MLLT6: variants seen among roughly 807,000 people sequenced by gnomAD.
The protein encoded by MLLT6 is MLLT6, PHD finger containing.
Under a neutral mutation model 103.0 loss-of-function variants are expected in MLLT6, and 22 were observed. The observed-to-expected ratio is 0.21, with a 90% CI of 0.15 to 0.31. The LOEUF is 0.31. Among genes scored for constraint, MLLT6 ranks in the 10% least tolerant of loss-of-function variants. MLLT6 has a pLI of 1.00. For synonymous variants in MLLT6, 606 were observed against 623.5 expected (o/e 0.97, Z 0.42); for missense variants, 1,199 against 1,441.7 (o/e 0.83, Z 2.73).
At position 38,722,007 on chromosome 17, in the gene MLLT6, C is replaced by T; in HGVS notation, c.2572C>T (p.Leu858Phe). The stretch of plus-strand genomic sequence containing the variant: ...GGCCCTGCCTGGGGCCCCTGCCCCA[C>T]TCCCGCCCCAGCCGCAGAACGGGTT... The part of the protein sequence containing the change: ...PLALPGAPAP[L>F]PPQPQNGLGR... The change falls in exon 17 of 20, where the codon CTC becomes TTC. Residue 858 changes from leucine (L) to phenylalanine (F), a missense_variant. Transcript: ENST00000621332. 6.7e-7 allele frequency: 1 copy of T among 1,484,190 alleles called. No homozygotes were observed. The highest frequency in any genetic ancestry group is 8.9e-7 in the Non-Finnish European group (1 of 1,118,878). 91.9% of individuals were successfully genotyped at this position (1,484,190 alleles called of 1,614,324 possible).
rs1905309960 is a variant in MLLT6 at position 38,715,749 on chromosome 17, A to G, written c.957A>G (p.Lys319=). ...AAGGGAAGAAACTGAGCAGTGGGAA[A>G]GGTGTGAGCAGTTTTACCTCCGCCT... The part of the protein sequence containing the change: ...SHKGKKLSSG[K]GVSSFTSASS... The change falls in exon 9 of 20, where the codon AAA becomes AAG. Residue 319 remains lysine (K), a synonymous_variant. Transcript: ENST00000621332. The G allele has an allele frequency of 1.5e-5, 24 of 1,613,978 alleles. No individual in the cohort carries two copies. Among genetic ancestry groups the G allele is most frequent in the Non-Finnish European group, 1.9e-5 (23 of 1,179,988 alleles).
intron 17 of MLLT6, 116 bp downstream of exon 17, chr17:38,722,343 A>C (rs1598001924): frequency 7.1e-5 from 55 of 775,684 alleles, no homozygotes; most frequent in Non-Finnish European, 9.7e-5. Flanking sequence ...CTCTGGTCTC[A>C]CAGGGTATAT....
rs534168238 is a variant in MLLT6, at chr17:38,722,168, C to T, written c.2733C>T (p.Pro911=). 92 of 1,369,838 alleles carry T rather than the reference C, an allele frequency of 6.7e-5. No individual in the cohort carries two copies. Among genetic ancestry groups the T allele is most frequent in the African/African-American group, 5.2e-4 (34 of 65,424 alleles). 84.9% of individuals were successfully genotyped at this position (1,369,838 alleles called of 1,614,324 possible). The change falls in exon 17 of 20, where the codon CCC becomes CCT. Residue 911 remains proline, a synonymous_variant. Transcript: ENST00000621332. ...TGAATGGGGCCGCTGCCCCCAACCC[C>T]GCAAGCTTGAGCCAGGCTGGCGGGG... ...GGLNGAAAPN[P]ASLSQAGGAP... is the part of the protein sequence containing the mutation.
Position 38,717,904 on chromosome 17 carries a change from C to T in MLLT6, c.1893C>T (p.Pro631=). 1 of 1,614,086 alleles carries T rather than the reference C, an allele frequency of 6.2e-7. No homozygotes were observed. Among genetic ancestry groups the T allele is most frequent in the East Asian group, 2.2e-5 (1 of 44,884 alleles). The change falls in exon 12 of 20, where the codon CCC becomes CCT. Residue 631 remains proline (P), a synonymous_variant. Transcript: ENST00000621332. Reference sequence around the variant, plus strand: ...CTTCTACCCACATCTTTGGAACCCCCATGGGTGCCGTTAATCCCCTCCTCT... The same window carrying T: ...CTTCTACCCACATCTTTGGAACCCCTATGGGTGCCGTTAATCCCCTCCTCT... ...SLPSTHIFGT[P]MGAVNPLLSQ...
At chr17:38,706,463 C>T (rs1018491841) in intron 1 of MLLT6, among the ~76,000 whole-genome samples, 1 of 152,130 alleles carries the variant, frequency 6.6e-6, no homozygotes, top group African/African-American at 2.4e-5. Context: ...CCGCACCTGC[C>T]CTCAGCCTTG....
chr17:38,722,037 C>G lies in MLLT6; in HGVS notation c.2602C>G (p.Arg868Gly), dbSNP rs532639486. The G allele has an allele frequency of 1.8e-5, 26 of 1,424,548 alleles. No homozygotes were observed. Among genetic ancestry groups the G allele is most frequent in the Non-Finnish European group, 2.3e-5 (25 of 1,091,748 alleles). 88.2% of individuals were successfully genotyped at this position (1,424,548 alleles called of 1,614,324 possible). Residue 868 changes from arginine (R) to glycine (G), a missense_variant, in exon 17 of 20, where the codon CGG becomes GGG. By Grantham distance (125) the Arg-to-Gly change is moderately radical. Around this residue, in one of 7 missense-constraint regions of MLLT6, gnomAD observed 1,034 missense variants for 1,091.5 expected, o/e 0.95. Transcript: ENST00000621332. ...GCCCCAGCCGCAGAACGGGTTGGGC[C>G]GGGCACCCGGGGCAGCGGGGCTGGG... The part of the protein sequence containing the change: ...LPPQPQNGLG[R>G]APGAAGLGAM...
Position 38,721,865 on chromosome 17 carries a change from C to A in MLLT6, c.2443-13C>A. The A allele has an allele frequency of 1.3e-6, 2 of 1,540,562 alleles. No individual in the cohort carries two copies. Among genetic ancestry groups the A allele is most frequent in the South Asian group, 1.2e-5 (1 of 84,644 alleles). On this transcript the variant is annotated splice_polypyrimidine_tract_variant and intron_variant, in intron 16 of 19. Coordinates refer to ENST00000621332, the MANE Select transcript of MLLT6 (RefSeq NM_005937.4). ...CTGGCCCTCTGACCCCTCCCTTCCC[C>A]CTCCCTCCCCAGGACCCACACTCAG...
Position 38,720,574 on chromosome 17 carries a change from G to A in MLLT6, c.2353+5G>A. ...CCTATGGCCTGCCTCCCCAAGGTGA[G>A]GGGATCCTGCCCAGCCCGGGAGAGA... On this transcript the variant is annotated splice_donor_5th_base_variant and intron_variant, in intron 15 of 19. Coordinates refer to ENST00000621332, the MANE Select transcript of MLLT6 (RefSeq NM_005937.4). 6.2e-7 allele frequency: 1 copy of A among 1,612,402 alleles called. No homozygotes were observed. The highest frequency in any genetic ancestry group is 8.5e-7 in the Non-Finnish European group (1 of 1,179,702).
chr17:38,709,674 G>A lies in MLLT6; in HGVS notation c.552+99G>A. The A allele has an allele frequency of 1.1e-6, 1 of 896,798 alleles. No individual in the cohort carries two copies. The highest frequency in any genetic ancestry group is 1.8e-6 in the Non-Finnish European group (1 of 553,604). 55.6% of individuals were successfully genotyped at this position (896,798 alleles called of 1,614,324 possible). On this transcript the variant is annotated intron_variant, in intron 6 of 19. Transcript: ENST00000621332. The surrounding 1 kb of genome is among the most constrained non-coding windows in gnomAD (Gnocchi z 4.3). ...CCAGGCCAGTGCCTGGTGCTAGGAG[G>A]ACAGAGAGGGAAAAAACCCAGTCCC... is the stretch of plus-strand genomic sequence containing the variant.
rs759567747 is a variant in MLLT6 at position 38,712,711 on chromosome 17, C to T, written c.741C>T (p.Arg247=). 3.6e-5 allele frequency: 58 copies of T among 1,613,712 alleles called. No homozygotes were observed. The highest frequency in any genetic ancestry group is 4.9e-5 in the Non-Finnish European group (58 of 1,179,752). The change falls in exon 8 of 20, where the codon CGC becomes CGT. Residue 247 remains arginine (R), a synonymous_variant. Transcript: ENST00000621332. ...TCCAGAGTCGAAAGGACAAAGAACG[C>T]CTTAAGCAGAAGCACAAGAAGCGGC... ...GQKKSRKDKE[R]LKQKHKKRPE...
At position 38,709,608 on chromosome 17, in the gene MLLT6, A is replaced by C. The variant is rs753835515; in HGVS notation, c.552+33A>C. On this transcript the variant is annotated intron_variant, in intron 6 of 19. Coordinates refer to ENST00000621332, the MANE Select transcript of MLLT6 (RefSeq NM_005937.4). The surrounding 1 kb of genome is among the most constrained non-coding windows in gnomAD (Gnocchi z 4.3). ...CTGGCGACCAGCGCATGAGCGGGTC[A>C]GTCAGCTGTGGTAAGATGGTTAGAG... 2 of 1,547,430 alleles carry C rather than the reference A, an allele frequency of 1.3e-6. No homozygotes were observed. Among genetic ancestry groups the C allele is most frequent in the South Asian group, 2.2e-5 (2 of 89,702 alleles).
At chr17:38,718,138 G>C (rs926444369) in intron 12 of MLLT6, 185 bp downstream of exon 12, 2 of 509,302 alleles carry the variant, frequency 3.9e-6, no homozygotes, top group African/African-American at 4.0e-5. Flanking sequence ...ACTTTGGGAG[G>C]CCGAGGCGGG....
Position 38,719,565 on chromosome 17 carries a change from A to T in MLLT6, c.1991A>T (p.Gln664Leu). Residue 664 changes from glutamine (Q) to leucine (L), a missense_variant, in exon 13 of 20, where the codon CAG becomes CTG. Around this residue, in one of 7 missense-constraint regions of MLLT6, gnomAD observed 1,034 missense variants for 1,091.5 expected, o/e 0.95. Coordinates refer to ENST00000621332, the MANE Select transcript of MLLT6 (RefSeq NM_005937.4). ...TTCCGGTGTCGGGGGACCTCCCCTCAGGAGAGTCTGTCTTCCATGTGAGGG... is the reference window on the plus strand; with the variant it reads ...TTCCGGTGTCGGGGGACCTCCCCTCTGGAGAGTCTGTCTTCCATGTGAGGG... ...CSFRCRGTSP[Q>L]ESLSSMSPIS... 1 of 1,610,704 alleles carries T rather than the reference A, an allele frequency of 6.2e-7. No homozygotes were observed. The highest frequency in any genetic ancestry group is 2.2e-5 in the East Asian group (1 of 44,826).
chr17:38,719,442 A>G (rs971637383), intron 12 of MLLT6, 75 bp from the exon 13 acceptor site: 6 of 1,283,010 alleles, frequency 4.7e-6, no homozygotes, highest in South Asian at 2.5e-5. Flanking sequence ...TCCCAATCCC[A>G]TATCCATCTG....
chr17:38,714,968 C>T (rs1025528935), intron 8 of MLLT6, among the ~76,000 whole-genome samples: 2 of 152,184 alleles, frequency 1.3e-5, no homozygotes, highest in African/African-American at 4.8e-5. Context: ...GACAGAATGT[C>T]TTGTTCCACC....
At chr17:38,708,567 T>C (rs1039808279) in intron 4 of MLLT6, among the ~76,000 whole-genome samples, 15 of 152,256 alleles carry the variant, frequency 9.9e-5, no homozygotes, top group Admixed American at 9.8e-4. Flanking sequence ...CCCAGCATAG[T>C]AGCCATCGGC....
In MLLT6 at chr17:38,724,485, A is replaced by G. The variant is rs1743143885; in HGVS notation, c.2884-135A>G. 1.4e-5 allele frequency: 9 copies of G among 644,912 alleles called. No homozygotes were observed. The highest frequency in any genetic ancestry group is 2.4e-5 in the Non-Finnish European group (9 of 373,244). 39.9% of individuals were successfully genotyped at this position (644,912 alleles called of 1,614,324 possible). On this transcript the variant is annotated intron_variant, in intron 18 of 19. Transcript: ENST00000621332. The surrounding 1 kb of genome is among the most constrained non-coding windows in gnomAD (Gnocchi z 5.4). Reference sequence around the variant, plus strand: ...GGCTAAGTGGGAAATGCGAGACAGTACCTTGACTGTCTCACAGGCCTCTTG... The same window carrying G: ...GGCTAAGTGGGAAATGCGAGACAGTGCCTTGACTGTCTCACAGGCCTCTTG...
Position 38,722,175 on chromosome 17 carries a change from T to C in MLLT6, c.2740T>C (p.Leu914=), listed in dbSNP as rs1295622561. Residue 914 remains leucine (L), a synonymous_variant, in exon 17 of 20, where the codon TTG becomes CTG. Coordinates refer to ENST00000621332, the MANE Select transcript of MLLT6 (RefSeq NM_005937.4). ...GGCCGCTGCCCCCAACCCCGCAAGC[T>C]TGAGCCAGGCTGGCGGGGCCCCCAC... ...NGAAAPNPAS[L]SQAGGAPTLQ... The C allele has an allele frequency of 7.3e-7, 1 of 1,368,592 alleles. No homozygotes were observed. Among genetic ancestry groups the C allele is most frequent in the East Asian group, 3.0e-5 (1 of 33,574 alleles). The allele number at this position is 1,368,592 out of a possible 1,614,324, so 84.8% of individuals were successfully genotyped here. A position where few individuals can be genotyped will look rare whatever the true frequency, so the allele number is the denominator to read the frequency against.
At chr17:38,719,265 G>T in intron 12 of MLLT6, 1 of 531,258 alleles carries the variant, frequency 1.9e-6, no homozygotes, top group South Asian at 2.5e-5. Context: ...TTGGGCGGTG[G>T]ATCTGAAAGA....
Sources: gnomAD v4.1 joint callset for allele counts (sites outside exome capture counted in the v4.1 genomes callset) on GRCh38, gnomAD v4.1.1 for gene constraint, gnomAD v4.1.1 regional missense constraint, Gnocchi (gnomAD v3.1) non-coding constraint, MANE v1.5 for transcripts, NCBI Gene and HGNC (gene_info 2026-07-23, HGNC 2026-07-21) for gene names.